Variants in SNX13 observed in about 807,000 individuals in gnomAD.
SNX13 encodes the protein sorting nexin-13.
SNX13 carries 45 observed loss-of-function variants against 133.6 expected under a neutral mutation model. The ratio of observed to expected loss-of-function variants is 0.34; its 90% confidence interval spans 0.27 to 0.43. The LOEUF is 0.43. Among genes scored for constraint, SNX13 ranks in the 20% least tolerant of loss-of-function variants. The probability of loss-of-function intolerance (pLI) is 1.00; values close to 1 mark genes in which losing one functional copy is unlikely to be tolerated. For missense variants in SNX13, 1,032 were observed against 1,145.1 expected, an observed-to-expected ratio of 0.90 and a Z score of 1.43; for synonymous variants, 414 against 373.9, an observed-to-expected ratio of 1.11 and a Z score of -1.24.
intron 1 of SNX13, among the ~76,000 whole-genome samples, chr7:17,902,436 G>C (rs1254707935): frequency 1.3e-5 from 2 of 152,048 alleles, no homozygotes; most frequent in Admixed American, 6.5e-5. Flanking sequence ...CATCAGAATA[G>C]CGAATTGTCC....
At chr7:17,829,819 T>C (rs1788282999) in intron 16 of SNX13, among the ~76,000 whole-genome samples, 191 bp downstream of exon 16, 1 of 151,326 alleles carries the variant, frequency 6.6e-6, no homozygotes, top group South Asian at 2.1e-4. Context: ...AGATAAAATA[T>C]AATTTTTAAG....
intron 9 of SNX13, among the ~76,000 whole-genome samples, chr7:17,861,378 ACAC>A (rs1275039454): frequency 7.1e-6 from 1 of 141,496 alleles, no homozygotes; most frequent in Non-Finnish European, 1.6e-5. Flanking sequence ...ACACACACAC[ACAC>A]AGTGTGATAA....
chr7:17,909,622 G>A (rs1007710590), intron 1 of SNX13, among the ~76,000 whole-genome samples: 2 of 152,158 alleles, frequency 1.3e-5, no homozygotes, highest in Non-Finnish European at 2.9e-5. Flanking sequence ...CAAAAAAACC[G>A]AACACTGCAT....
intron 15 of SNX13, among the ~76,000 whole-genome samples, chr7:17,833,732 C>A (rs1030284199): frequency 6.6e-6 from 1 of 151,570 alleles, no homozygotes; most frequent in African/African-American, 2.4e-5. Flanking sequence ...CTCAATAATT[C>A]TATTGTTAAT....
intron 22 of SNX13, among the ~76,000 whole-genome samples, chr7:17,799,903 G>A (rs943095564): frequency 1.3e-5 from 2 of 151,738 alleles, no homozygotes; most frequent in Non-Finnish European, 3.0e-5. Flanking sequence ...TCATCACTGA[G>A]AAACTGTTTC....
chr7:17,800,265 A>G (rs1784470969), intron 22 of SNX13, among the ~76,000 whole-genome samples: 1 of 151,846 alleles, frequency 6.6e-6, no homozygotes, highest in Non-Finnish European at 1.5e-5. Context: ...CCAAATGAAA[A>G]TATTATTTTT....
chr7:17,832,231 G>A, intron 15 of SNX13: 1 of 984,458 alleles, frequency 1.0e-6, no homozygotes, highest in African/African-American at 1.7e-5. Context: ...TATGATTTTA[G>A]GAAGTTTGAG....
intron 20 of SNX13, among the ~76,000 whole-genome samples, chr7:17,806,132 A>AGTTATTTGTATT (rs1785270875): frequency 1.3e-5 from 2 of 152,172 alleles, no homozygotes; most frequent in Non-Finnish European, 2.9e-5. Flanking sequence ...ACCCCAGCTG[A>AGTTATTTGTATT]GTTATTTGTA....
At position 17,847,366 on chromosome 7, in the gene SNX13, T is replaced by A. The variant is rs1375709751; in HGVS notation, c.1066-1672A>T. Among the ~76,000 whole-genome samples, 15 of 152,300 alleles carry A rather than the reference T, an allele frequency of 9.8e-5. 1 individual carries two copies. In the East Asian group the frequency reaches 2.9e-3, roughly 29 times the overall value. ...GTTTTTTTGAGACGGAGTGTCGCTC[T>A]TGTTGCCCAGGCTGGAGTGCAATGG... On this transcript the variant is annotated intron_variant, in intron 11 of 25. Coordinates refer to ENST00000428135, the MANE Select transcript of SNX13 (RefSeq NM_015132.5).
intron 1 of SNX13, among the ~76,000 whole-genome samples, chr7:17,916,313 CA>C (rs1389177734): frequency 6.6e-6 from 1 of 152,118 alleles, no homozygotes; most frequent in East Asian, 1.9e-4. Flanking sequence ...ACTAAAATCA[CA>C]GCAAAACTCA....
At position 17,838,007 on chromosome 7, in the gene SNX13, A is replaced by C. The variant is rs928176560; in HGVS notation, c.1359+1800T>G. Among the ~76,000 whole-genome samples, 13 of 151,852 alleles carry C rather than the reference A, an allele frequency of 8.6e-5. No individual in the cohort carries two copies. The South Asian group carries it at 1.2e-3, about 15-fold the overall frequency. ...AAGATCACCTACCAATTTTAGCGAA[A>C]CAGTATATAAATTTCTGTTTACTGT... On this transcript the variant is annotated intron_variant, in intron 13 of 25. Coordinates refer to ENST00000428135, the MANE Select transcript of SNX13 (RefSeq NM_015132.5).
At chr7:17,839,726 C>G (rs183662863) in intron 13 of SNX13, 81 bp downstream of exon 13, 4 of 1,128,412 alleles carry the variant, frequency 3.5e-6, no homozygotes, top group Non-Finnish European at 4.9e-6. Context: ...TCGAGGTAGT[C>G]AGCCTGGCAT....
chr7:17,846,186 A>C (rs955052788), intron 11 of SNX13, among the ~76,000 whole-genome samples: 1 of 152,070 alleles, frequency 6.6e-6, no homozygotes, highest in Non-Finnish European at 1.5e-5. Flanking sequence ...CAGACTCTCT[A>C]AACAGTGAAT....
rs1309426421 is a variant in SNX13, at chr7:17,821,537, T to C, written c.1817A>G (p.His606Arg). The C allele has an allele frequency of 3.1e-6, 5 of 1,613,310 alleles. No homozygotes were observed. Among genetic ancestry groups the C allele is most frequent in the Non-Finnish European group, 4.2e-6 (5 of 1,179,564 alleles). The change falls in exon 18 of 26, where the codon CAT becomes CGT. Residue 606 changes from histidine to arginine, a missense_variant. By Grantham distance (29) the His-to-Arg change is conservative (BLOSUM62 0). Transcript: ENST00000428135. ...WKTYRRYSDF[H>R]DFHMRITEQF... is the part of the protein sequence containing the mutation. ...TTCAGTGATTCTCATGTGGAAGTCA[T>C]GGAAGTCACTATAACGACGATAGGT...
At chr7:17,861,212 C>T (rs1323422673) in intron 9 of SNX13, among the ~76,000 whole-genome samples, 2 of 152,004 alleles carry the variant, frequency 1.3e-5, no homozygotes, top group African/African-American at 4.8e-5. Context: ...TTGCACAGTA[C>T]AATAGGGACT....
chr7:17,935,651 T>C (rs987356381), intron 1 of SNX13, among the ~76,000 whole-genome samples: 2 of 152,194 alleles, frequency 1.3e-5, no homozygotes, highest in African/African-American at 4.8e-5. Flanking sequence ...TCTTTAAGAA[T>C]GTTTATCAAT....
At chr7:17,884,372 C>T (rs190317970) in intron 5 of SNX13, among the ~76,000 whole-genome samples, 40 of 152,254 alleles carry the variant, frequency 2.6e-4, no homozygotes, top group African/African-American at 8.4e-4. Flanking sequence ...ATTTGGTTGT[C>T]AGTAATAAAG....
chr7:17,892,853 AAAT>A (rs1415986280), intron 3 of SNX13, among the ~76,000 whole-genome samples: 3 of 152,218 alleles, frequency 2.0e-5, no homozygotes, highest in Admixed American at 6.5e-5. Context: ...GATACTGAAA[AAAT>A]AATAGCACCA....
At chr7:17,917,439 C>T (rs2128030435) in intron 1 of SNX13, among the ~76,000 whole-genome samples, 1 of 152,194 alleles carries the variant, frequency 6.6e-6, no homozygotes, top group Non-Finnish European at 1.5e-5. Flanking sequence ...GACTCCTAGA[C>T]CCGATATACA....
Sources: gnomAD v4.1 joint callset for allele counts (sites outside exome capture counted in the v4.1 genomes callset) on GRCh38, gnomAD v4.1.1 for gene constraint, MANE v1.5 for transcripts, NCBI Gene and HGNC (gene_info 2026-07-23, HGNC 2026-07-21) for gene names.